PPP5C: variants seen among roughly 807,000 people sequenced by gnomAD.
PPP5C encodes serine/threonine-protein phosphatase 5.
PPP5C carries 21 observed loss-of-function variants against 66.7 expected under a neutral mutation model. That is an observed-to-expected ratio of 0.31 (90% CI 0.22 to 0.45). The LOEUF is 0.45. Among genes scored for constraint, PPP5C ranks in the 20% least tolerant of loss-of-function variants. PPP5C has a pLI of 1.00. For synonymous variants in PPP5C, 246 were observed against 257.4 expected, an observed-to-expected ratio of 0.96 and a Z score of 0.43; for missense variants, 464 against 675.9, an observed-to-expected ratio of 0.69 and a Z score of 3.48.
At chr19:46,373,216 C>T (rs891136296) in intron 2 of PPP5C, among the ~76,000 whole-genome samples, 9 of 152,348 alleles carry the variant, frequency 5.9e-5, no homozygotes, top group Admixed American at 5.2e-4. Context: ...GACGAGAGGC[C>T]CAGGCAGGGA....
chr19:46,388,530 C>T lies in PPP5C; in HGVS notation c.1177-23C>T. ...GCAGACAGTCACCCTGAACCCCTGT[C>T]TCTCCCTTCTGCCCACCCTCAGAAC... On this transcript the variant is annotated intron_variant, in intron 10 of 12. Coordinates refer to ENST00000012443, the MANE Select transcript of PPP5C (RefSeq NM_006247.4). This position sits in a 1 kb window ranked among gnomAD's most constrained non-coding sequence, Gnocchi z 4.9. 6.2e-7 allele frequency: 1 copy of T among 1,612,310 alleles called. No homozygotes were observed. Among genetic ancestry groups the T allele is most frequent in the Non-Finnish European group, 8.5e-7 (1 of 1,178,608 alleles).
At chr19:46,374,096 C>T (rs1165616434) in intron 2 of PPP5C, among the ~76,000 whole-genome samples, 2 of 152,180 alleles carry the variant, frequency 1.3e-5, no homozygotes, top group Non-Finnish European at 2.9e-5. Flanking sequence ...GTCTTCCTCC[C>T]CTGCCTTACA....
At chr19:46,380,950 C>T (rs1361699418) in intron 4 of PPP5C, among the ~76,000 whole-genome samples, 1 of 152,066 alleles carries the variant, frequency 6.6e-6, no homozygotes, top group African/African-American at 2.4e-5. Flanking sequence ...TCTTATATTT[C>T]TTCCCATTTC....
intron 12 of PPP5C, 58 bp from the exon 13 acceptor site, chr19:46,390,226 T>C: frequency 3.7e-6 from 6 of 1,604,008 alleles, no homozygotes; most frequent in Non-Finnish European, 5.1e-6. Context: ...GTTCTGCCGG[T>C]GGGTGCTCAG....
chr19:46,361,388 C>G (rs1280551675), intron 2 of PPP5C, among the ~76,000 whole-genome samples: 2 of 147,642 alleles, frequency 1.4e-5, no homozygotes, highest in East Asian at 4.1e-4. Context: ...CTCGGCCTCC[C>G]AAAGTGCTGG....
In PPP5C at chr19:46,361,589, TAAAAAAAAAAAA is replaced by T. The variant is rs935838226; in HGVS notation, c.363+7615_363+7626del. 6.3e-3 allele frequency among the ~76,000 whole-genome samples: 537 copies of T among 85,274 alleles called. 5 individuals carry two copies. The highest frequency in any genetic ancestry group is 0.023 in the African/African-American group (501 of 21,402). The allele number at this position is 85,274 out of a possible 152,430, so 55.9% of individuals were successfully genotyped here. On this transcript the variant is annotated intron_variant, in intron 2 of 12. Transcript: ENST00000012443. ...GTGAAACCCTGTCTCTACTAAAAAT[TAAAAAAAAAAAA>T]AAAAAAAAAAAAAATTAGCCGGGCT...
rs374775017 is a variant in PPP5C at position 46,364,853 on chromosome 19, A to G, written c.364-10751A>G. ...TGGGGTATCTCACGCCGCTGGGTCC[A>G]TTTACCTAGGTATTTGCAGGATGGC... On this transcript the variant is annotated intron_variant, in intron 2 of 12. Transcript: ENST00000012443. Among the ~76,000 whole-genome samples, 4 of 142,930 alleles carry G rather than the reference A, an allele frequency of 2.8e-5. No homozygotes were observed. In the East Asian group the frequency reaches 6.3e-4, roughly 23 times the overall value. 93.8% of individuals were successfully genotyped at this position (142,930 alleles called of 152,430 possible).
At chr19:46,372,245 C>T (rs1428952881) in intron 2 of PPP5C, among the ~76,000 whole-genome samples, 1 of 151,972 alleles carries the variant, frequency 6.6e-6, no homozygotes, top group Non-Finnish European at 1.5e-5. Flanking sequence ...ACTGTGTTAC[C>T]CAGGCTGGAG....
At chr19:46,379,439 C>T (rs537117590) in intron 4 of PPP5C, among the ~76,000 whole-genome samples, 3 of 152,330 alleles carry the variant, frequency 2.0e-5, no homozygotes, top group Admixed American at 1.3e-4. Context: ...CCACCCACCT[C>T]GGCCTCCTAA....
intron 2 of PPP5C, among the ~76,000 whole-genome samples, chr19:46,372,827 G>A (rs1232984069): frequency 6.6e-6 from 1 of 152,152 alleles, no homozygotes; most frequent in Non-Finnish European, 1.5e-5. Flanking sequence ...TAAAAAAAAA[G>A]TTCAGTGTGA....
chr19:46,350,161 A>G (rs1292013932), intron 1 of PPP5C, among the ~76,000 whole-genome samples: 1 of 152,084 alleles, frequency 6.6e-6, no homozygotes, highest in African/African-American at 2.4e-5. Context: ...TGAGCCAGGA[A>G]CCTGGGCAGG....
chr19:46,363,899 G>A (rs1425742124), intron 2 of PPP5C, among the ~76,000 whole-genome samples: 1 of 152,176 alleles, frequency 6.6e-6, no homozygotes, highest in Non-Finnish European at 1.5e-5. Context: ...ATGTAAAAGA[G>A]AATAGAGCTT....
chr19:46,366,836 A>G lies in PPP5C; in HGVS notation c.364-8768A>G, dbSNP rs546238295. Reference sequence around the variant, plus strand: ...TAGCACGTGGCTTCAGGCGATGAGTACTTCTCTTAAGTGAGAAGTGGGATA... The same window carrying G: ...TAGCACGTGGCTTCAGGCGATGAGTGCTTCTCTTAAGTGAGAAGTGGGATA... On this transcript the variant is annotated intron_variant, in intron 2 of 12. Transcript: ENST00000012443. Among the ~76,000 whole-genome samples the G allele has an allele frequency of 5.3e-5, 8 of 152,274 alleles. No individual in the cohort carries two copies. The East Asian group carries it at 1.5e-3, about 29-fold the overall frequency.
chr19:46,383,773 C>T lies in PPP5C; in HGVS notation c.700-7C>T. ...CCGTCCCTCTCCGGTGGCCTCTTTT[C>T]TTTCAGACAGAGAAGATTACAGTAT... On this transcript the variant is annotated splice_region_variant and splice_polypyrimidine_tract_variant and intron_variant, in intron 5 of 12. Transcript: ENST00000012443. This position sits in a 1 kb window ranked among gnomAD's most constrained non-coding sequence, Gnocchi z 5.0. The T allele has an allele frequency of 6.2e-7, 1 of 1,610,180 alleles. No individual in the cohort carries two copies. The highest frequency in any genetic ancestry group is 1.1e-5 in the South Asian group (1 of 91,010).
chr19:46,388,736 G>A lies in PPP5C; in HGVS notation c.1355+5G>A. ...CTTCTCTGCCCCCAACTACTGGTATGTCTTTGCCTTTCCAGCCCAGGGCCT... is the reference window on the plus strand; with the variant it reads ...CTTCTCTGCCCCCAACTACTGGTATATCTTTGCCTTTCCAGCCCAGGGCCT... On this transcript the variant is annotated splice_donor_5th_base_variant and intron_variant, in intron 11 of 12. Transcript: ENST00000012443. The surrounding 1 kb of genome is among the most constrained non-coding windows in gnomAD (Gnocchi z 4.9). The A allele has an allele frequency of 6.2e-7, 1 of 1,611,324 alleles. No individual in the cohort carries two copies. The highest frequency in any genetic ancestry group is 1.1e-5 in the South Asian group (1 of 91,022).
At chr19:46,369,824 G>A (rs925463896) in intron 2 of PPP5C, among the ~76,000 whole-genome samples, 37 of 151,580 alleles carry the variant, frequency 2.4e-4, no homozygotes, top group African/African-American at 8.5e-4. Flanking sequence ...TACTCGGGAG[G>A]CTGAGGCAGG....
chr19:46,375,064 C>T (rs1601433638), intron 2 of PPP5C, among the ~76,000 whole-genome samples: 1 of 152,312 alleles, frequency 6.6e-6, no homozygotes, highest in African/African-American at 2.4e-5. Flanking sequence ...TGCCGGGCCC[C>T]CTGTGTTACT....
At chr19:46,363,300 T>C in intron 2 of PPP5C, among the ~76,000 whole-genome samples, 1 of 43,238 alleles carries the variant, frequency 2.3e-5, no homozygotes, top group Non-Finnish European at 3.7e-5. Context: ...AGAGCGAGAC[T>C]CCATCTCAAA....
intron 1 of PPP5C, 54 bp downstream of exon 1, chr19:46,347,271 G>A (rs897140257): frequency 5.3e-5 from 81 of 1,534,604 alleles, no homozygotes; most frequent in Non-Finnish European, 7.0e-5. Context: ...GGGGTGCCGG[G>A]CCCGCGCGGA....
Sources: gnomAD v4.1 joint callset for allele counts (sites outside exome capture counted in the v4.1 genomes callset) on GRCh38, gnomAD v4.1.1 for gene constraint, Gnocchi (gnomAD v3.1) non-coding constraint, MANE v1.5 for transcripts, NCBI Gene and HGNC (gene_info 2026-07-23, HGNC 2026-07-21) for gene names.